Variants in SLC36A4 observed in about 807,000 individuals in gnomAD.
SLC36A4 encodes solute carrier family 36 member 4.
SLC36A4 carries 49 observed loss-of-function variants against 50.5 expected under a neutral mutation model. The observed-to-expected ratio is 0.97, with a 90% CI of 0.77 to 1.23. SLC36A4 has a LOEUF of 1.23. Among genes scored for constraint, SLC36A4 ranks in the 50% most tolerant of loss-of-function variants. The pLI, the probability that SLC36A4 is intolerant of heterozygous loss-of-function variation, is 0.00. For missense variants in SLC36A4, 611 were observed against 608.4 expected, an observed-to-expected ratio of 1.00 and a Z score of -0.05; for synonymous variants, 207 against 206.5, an observed-to-expected ratio of 1.00 and a Z score of -0.02.
chr11:93,156,502 C>A (rs1379199077), intron 9 of SLC36A4, among the ~76,000 whole-genome samples: 2 of 151,600 alleles, frequency 1.3e-5, no homozygotes, highest in Non-Finnish European at 2.9e-5. Flanking sequence ...TCACTGCAAC[C>A]TCCACCTCCC....
intron 9 of SLC36A4, chr11:93,160,564 C>T (rs967744611): frequency 2.9e-5 from 29 of 985,244 alleles, no homozygotes; most frequent in Admixed American, 6.2e-5. Flanking sequence ...GTGTCACCCT[C>T]CAAGATTGAG....
At chr11:93,180,155 G>A in intron 6 of SLC36A4, 2 of 977,490 alleles carry the variant, frequency 2.0e-6, no homozygotes, top group Non-Finnish European at 2.4e-6. Flanking sequence ...AGAAGAGCAG[G>A]GGATAATGTA....
intron 1 of SLC36A4, among the ~76,000 whole-genome samples, chr11:93,188,096 C>T (rs1862067795): frequency 6.6e-6 from 1 of 152,204 alleles, no homozygotes; most frequent in Non-Finnish European, 1.5e-5. Context: ...CCCCACTCTC[C>T]ATGCTTGTAG....
chr11:93,162,458 G>A (rs188155550), intron 9 of SLC36A4, among the ~76,000 whole-genome samples: 8 of 151,972 alleles, frequency 5.3e-5, no homozygotes, highest in African/African-American at 1.4e-4. Context: ...ATAGGCACCC[G>A]CCACCACGCC....
In SLC36A4 at chr11:93,144,774, C is replaced by T. The variant is rs1334505871; in HGVS notation, c.*3763G>A. The T allele has an allele frequency of 2.0e-5, 3 of 151,962 alleles. No homozygotes were observed. The highest frequency in any genetic ancestry group is 4.4e-5 in the Non-Finnish European group (3 of 67,952). 9.4% of individuals were successfully genotyped at this position (151,962 alleles called of 1,614,324 possible). On this transcript the variant is annotated 3_prime_UTR_variant, in exon 11 of 11. Coordinates refer to ENST00000326402, the MANE Select transcript of SLC36A4 (RefSeq NM_152313.4). ...GCCAGGAATTTAATGTTAGGAAGTA[C>T]AACTACACTTTTCAGATCCAAGTTT...
chr11:93,169,314 A>G (rs896389341), intron 6 of SLC36A4, among the ~76,000 whole-genome samples: 10 of 152,056 alleles, frequency 6.6e-5, no homozygotes, highest in African/African-American at 1.7e-4. Flanking sequence ...CTTGCGTAAT[A>G]TCAAGCCAGT....
At chr11:93,184,358 GC>G (rs1861881835) in intron 3 of SLC36A4, 71 bp downstream of exon 3, 1 of 902,488 alleles carries the variant, frequency 1.1e-6, no homozygotes, top group South Asian at 1.4e-5. Flanking sequence ...ATTTGACTAG[GC>G]CAGATATTAG....
At chr11:93,192,965 T>A (rs1289556908) in intron 1 of SLC36A4, 2 of 160,598 alleles carry the variant, frequency 1.2e-5, no homozygotes, top group Non-Finnish European at 2.6e-5. Context: ...TACATATATG[T>A]TACATAGATA....
intron 6 of SLC36A4, among the ~76,000 whole-genome samples, chr11:93,170,969 T>C (rs971992133): frequency 6.6e-6 from 1 of 152,056 alleles, no homozygotes; most frequent in Non-Finnish European, 1.5e-5. Flanking sequence ...TTTTTAACTA[T>C]AACAGTAAAT....
At chr11:93,160,329 G>T in intron 9 of SLC36A4, 2 of 985,358 alleles carry the variant, frequency 2.0e-6, no homozygotes, top group African/African-American at 3.5e-5. Context: ...GTTTTTTCCA[G>T]ATTTTTGTTG....
At chr11:93,184,406 GGT>G (rs1195815485) in intron 3 of SLC36A4, 22 bp downstream of exon 3, 11 of 1,409,312 alleles carry the variant, frequency 7.8e-6, no homozygotes, top group Non-Finnish European at 9.0e-6. Context: ...CATCTTAACT[GGT>G]GATTACAAAG....
chr11:93,156,076 C>T (rs1440881816), intron 9 of SLC36A4, among the ~76,000 whole-genome samples: 1 of 152,132 alleles, frequency 6.6e-6, no homozygotes, highest in Non-Finnish European at 1.5e-5. Flanking sequence ...ATTTATATTT[C>T]TTTGGGTATA....
At chr11:93,162,977 A>T (rs1565221418) in intron 8 of SLC36A4, 102 bp from the exon 9 acceptor site, 15 of 996,798 alleles carry the variant, frequency 1.5e-5, no homozygotes, top group African/African-American at 3.3e-5. Context: ...CTATATGCAA[A>T]TTTTTTTCCT....
chr11:93,159,824 T>C, intron 9 of SLC36A4: 4 of 985,430 alleles, frequency 4.1e-6, no homozygotes, highest in Non-Finnish European at 4.8e-6. Flanking sequence ...CTATGGCCTC[T>C]TTCTAATTCA....
Position 93,146,830 on chromosome 11 carries a change from T to A in SLC36A4, c.*1707A>T, listed in dbSNP as rs1859856241. Reference sequence around the variant, plus strand: ...ATTTTCCCCACTAACTGAGAGATTCTTTATCTTGGTTAATAACTTGAAAAA... The same window carrying A: ...ATTTTCCCCACTAACTGAGAGATTCATTATCTTGGTTAATAACTTGAAAAA... On this transcript the variant is annotated 3_prime_UTR_variant, in exon 11 of 11. Transcript: ENST00000326402. The A allele has an allele frequency of 6.6e-6, 1 of 152,124 alleles. No homozygotes were observed. The highest frequency in any genetic ancestry group is 2.4e-5 in the African/African-American group (1 of 41,444). 9.4% of individuals were successfully genotyped at this position (152,124 alleles called of 1,614,324 possible). A position where few individuals can be genotyped will look rare whatever the true frequency, so the allele number is the denominator to read the frequency against.
intron 10 of SLC36A4, among the ~76,000 whole-genome samples, chr11:93,149,915 T>C (rs577196669): frequency 1.3e-5 from 2 of 150,232 alleles, no homozygotes; most frequent in Admixed American, 6.7e-5. Flanking sequence ...TAGAGGTTTA[T>C]GGTAACTACT....
At chr11:93,148,939 T>C in intron 10 of SLC36A4, 95 bp from the exon 11 acceptor site, 1 of 1,142,974 alleles carries the variant, frequency 8.7e-7, no homozygotes, top group East Asian at 2.6e-5. Flanking sequence ...AAGTAATTAC[T>C]AGAAATAATT....
rs949261863 is a variant in SLC36A4, at chr11:93,182,838, T to C, written c.327A>G (p.Ile109Met). The C allele has an allele frequency of 1.2e-6, 2 of 1,612,560 alleles. No homozygotes were observed. The highest frequency in any genetic ancestry group is 1.3e-5 in the African/African-American group (1 of 74,846). The change falls in exon 4 of 11, where the codon ATA (isoleucine) becomes ATG (methionine). Residue 109 changes from isoleucine to methionine, a missense_variant. Ile to Met is a conservative substitution (Grantham distance 10). Coordinates refer to ENST00000326402, the MANE Select transcript of SLC36A4 (RefSeq NM_152313.4). ...ATAGAAAGTGACTGCAACGTACCAATATGTGCATACAGTGAACAGAAATAA... is the reference window on the plus strand; with the variant it reads ...ATAGAAAGTGACTGCAACGTACCAACATGTGCATACAGTGAACAGAAATAA... Reference protein sequence around the residue: ...IGIISVHCMHILVRCSHFLCL... With the variant: ...IGIISVHCMHMLVRCSHFLCL...
intron 1 of SLC36A4, among the ~76,000 whole-genome samples, chr11:93,190,834 C>T (rs1379619902): frequency 2.0e-5 from 3 of 152,100 alleles, no homozygotes; most frequent in Admixed American, 2.0e-4. Flanking sequence ...CCAGTAAATA[C>T]ATTTTTCTAA....
Sources: gnomAD v4.1 joint callset for allele counts (sites outside exome capture counted in the v4.1 genomes callset) on GRCh38, gnomAD v4.1.1 for gene constraint, MANE v1.5 for transcripts, NCBI Gene and HGNC (gene_info 2026-07-23, HGNC 2026-07-21) for gene names.